The following TGM2 variants were observed in gnomAD, a reference collection of about 807,000 sequenced individuals.
The protein encoded by TGM2 is transglutaminase 2.
Under a neutral mutation model 75.6 loss-of-function variants are expected in TGM2, and 53 were observed. The observed-to-expected ratio is 0.70, with a 90% CI of 0.56 to 0.88. The LOEUF is 0.88. TGM2 is among the 40% of genes least tolerant of loss of function. The pLI, the probability that TGM2 is intolerant of heterozygous loss-of-function variation, is 0.00. For synonymous variants in TGM2, 374 were observed against 381.1 expected (o/e 0.98, Z 0.22); for missense variants, 842 against 928.5 (o/e 0.91, Z 1.21).
intron 8 of TGM2, among the ~76,000 whole-genome samples, chr20:38,140,424 C>T (rs1372412939): frequency 6.6e-6 from 1 of 152,164 alleles, no homozygotes; most frequent in African/African-American, 2.4e-5. Context: ...TAAACCAGGG[C>T]CCACGGATCC....
Position 38,130,290 on chromosome 20 carries a change from C to A in TGM2, c.1993G>T (p.Val665Leu), listed in dbSNP as rs202239139. Residue 665 changes from valine (V) to leucine (L), a missense_variant, in exon 13 of 13, where the codon GTG (valine) becomes TTG (leucine). By Grantham distance (32) the Val-to-Leu change is conservative (BLOSUM62 1). Coordinates refer to ENST00000361475, the MANE Select transcript of TGM2 (RefSeq NM_004613.4). ...AGCTTGTCGCTCTCGAAGTTCACCACCAGCTTGTGGAGGCCCATGTGGAGC... is the reference window on the plus strand; with the variant it reads ...AGCTTGTCGCTCTCGAAGTTCACCAACAGCTTGTGGAGGCCCATGTGGAGC... The part of the protein sequence containing the change: ...LPLHMGLHKL[V>L]VNFESDKLKA... 195 of 1,612,764 alleles carry A rather than the reference C, an allele frequency of 1.2e-4. No homozygotes were observed. The highest frequency in any genetic ancestry group is 1.6e-4 in the Non-Finnish European group (190 of 1,179,720).
At chr20:38,148,132 G>C (rs771116826) in intron 4 of TGM2, 43 bp from the exon 5 acceptor site, 4 of 1,612,762 alleles carry the variant, frequency 2.5e-6, no homozygotes, top group East Asian at 4.5e-5. Flanking sequence ...AGCTGGGAAG[G>C]CACCTCCTCC....
intron 2 of TGM2, among the ~76,000 whole-genome samples, chr20:38,157,711 G>A (rs912061235): frequency 1.3e-5 from 2 of 152,230 alleles, no homozygotes; most frequent in African/African-American, 2.4e-5. Flanking sequence ...TGTATAGTAA[G>A]TGCTCAGGAA....
chr20:38,167,033 C>T (rs545779005), upstream of TGM2, among the ~76,000 whole-genome samples: 28 of 152,262 alleles, frequency 1.8e-4, no homozygotes, highest in South Asian at 5.8e-3. Flanking sequence ...GAAAGAATCC[C>T]TCCCTCACAG....
chr20:38,165,440 G>T (rs867738765), upstream of TGM2: 3 of 582,516 alleles, frequency 5.2e-6, no homozygotes, highest in Non-Finnish European at 8.9e-6. Context: ...GACGGCGGCC[G>T]GACGAGGGCG....
chr20:38,146,947 T>C, intron 5 of TGM2, 53 bp from the exon 6 acceptor site: 2 of 1,580,874 alleles, frequency 1.3e-6, no homozygotes, highest in Non-Finnish European at 1.7e-6. Context: ...GTGTCGGCTG[T>C]GCCGCCTGGG....
chr20:38,139,067 C>T (rs1247434587), intron 9 of TGM2, among the ~76,000 whole-genome samples: 1 of 152,172 alleles, frequency 6.6e-6, no homozygotes, highest in Non-Finnish European at 1.5e-5. Context: ...CCTCTGTATG[C>T]TTTGCTATGC....
chr20:38,156,567 G>A (rs1194874526), intron 2 of TGM2, among the ~76,000 whole-genome samples: 5 of 152,238 alleles, frequency 3.3e-5, no homozygotes, highest in African/African-American at 9.6e-5. Context: ...AAGCCCAGAC[G>A]CTGAGCAGGA....
Position 38,146,857 on chromosome 20 carries a change from C to A in TGM2, c.719G>T (p.Arg240Leu), listed in dbSNP as rs780697822. The A allele has an allele frequency of 1.9e-6, 3 of 1,613,834 alleles. No individual in the cohort carries two copies. Among genetic ancestry groups the A allele is most frequent in the South Asian group, 1.1e-5 (1 of 91,078 alleles). Residue 240 changes from arginine (R) to leucine (L), a missense_variant, in exon 6 of 13, where the codon CGC becomes CTC. By Grantham distance (102) the Arg-to-Leu change is moderately radical. Transcript: ENST00000361475. ...GCCGTCCCCGTAGTTGTTGTCCCAGCGTCCCAGCAGCACACCCTGGTCATC... is the reference window on the plus strand; with the variant it reads ...GCCGTCCCCGTAGTTGTTGTCCCAGAGTCCCAGCAGCACACCCTGGTCATC... Reference protein sequence around the residue: ...CNDDQGVLLGRWDNNYGDGVS... With the variant: ...CNDDQGVLLGLWDNNYGDGVS...
In TGM2 at chr20:38,129,928, A is replaced by T. The variant is rs1202435122; in HGVS notation, c.*291T>A. The T allele has an allele frequency of 6.2e-6, 3 of 483,110 alleles. No homozygotes were observed. The East Asian group carries it at 1.1e-4, about 18-fold the overall frequency. The allele number at this position is 483,110 out of a possible 1,614,324, so 29.9% of individuals were successfully genotyped here. Reference sequence around the variant, plus strand: ...ATGGCTTTCCAAAGGGCATCTGGGCAGGAGAGGGAATGTAGGTCTTTCCTC... The same window carrying T: ...ATGGCTTTCCAAAGGGCATCTGGGCTGGAGAGGGAATGTAGGTCTTTCCTC... On this transcript the variant is annotated 3_prime_UTR_variant, in exon 13 of 13. Transcript: ENST00000361475.
At position 38,161,559 on chromosome 20, in the gene TGM2, A is replaced by G. The variant is rs746925553; in HGVS notation, c.51T>C (p.Asn17=). Residue 17 remains asparagine, a synonymous_variant, in exon 2 of 13, where the codon AAT becomes AAC. Coordinates refer to ENST00000361475, the MANE Select transcript of TGM2 (RefSeq NM_004613.4). ...LERCDLELET[N]GRDHHTADLC... Reference sequence around the variant, plus strand: ...GGTCGGCCGTGTGGTGGTCTCGGCCATTGGTCTCCAGCTCCAGATCACACC... The same window carrying G: ...GGTCGGCCGTGTGGTGGTCTCGGCCGTTGGTCTCCAGCTCCAGATCACACC... 17 of 1,614,038 alleles carry G rather than the reference A, an allele frequency of 1.1e-5. No homozygotes were observed. In the South Asian group the frequency reaches 1.6e-4, roughly 16 times the overall value.
intron 7 of TGM2, 65 bp from the exon 8 acceptor site, chr20:38,141,450 G>A: frequency 1.6e-6 from 2 of 1,219,200 alleles, no homozygotes; most frequent in South Asian, 1.3e-5. Flanking sequence ...ACCTCCCACG[G>A]GCAGACCATG....
At chr20:38,141,469 TC>T in intron 7 of TGM2, 84 bp from the exon 8 acceptor site, 1 of 1,040,720 alleles carries the variant, frequency 9.6e-7, no homozygotes. Context: ...TGCATTCATG[TC>T]CCCAGATGCA....
chr20:38,142,835 G>C (rs1404252652), intron 6 of TGM2, among the ~76,000 whole-genome samples: 1 of 152,234 alleles, frequency 6.6e-6, no homozygotes, highest in Non-Finnish European at 1.5e-5. Flanking sequence ...TCTGGCCCCT[G>C]AACCCCTCCT....
At chr20:38,159,888 C>T (rs2075233806) in intron 2 of TGM2, among the ~76,000 whole-genome samples, 1 of 152,258 alleles carries the variant, frequency 6.6e-6, no homozygotes, top group African/African-American at 2.4e-5. Flanking sequence ...TTCACTATCA[C>T]AAGTCTGACT....
rs45553738 is a variant in TGM2, at chr20:38,165,149, G to C, written c.10+40C>G. ...ACCGGGTCCTGACCCCCAATGCCCC[G>C]GGGCCCCTGAGTGGCGGCTGCGGTG... On this transcript the variant is annotated intron_variant, in intron 1 of 12. Transcript: ENST00000361475. 1.8e-3 allele frequency: 2,974 copies of C among 1,613,898 alleles called. 59 individuals are homozygous for C. In the African/African-American group the frequency reaches 0.035, roughly 19 times the overall value.
chr20:38,143,016 C>CATGTGAGG (rs1298455156), intron 6 of TGM2, among the ~76,000 whole-genome samples: 3 of 152,182 alleles, frequency 2.0e-5, no homozygotes, highest in African/African-American at 7.2e-5. Flanking sequence ...AGTGTACAGG[C>CATGTGAGG]ATGTGAGGGA....
chr20:38,141,671 C>T (rs1486469358), intron 7 of TGM2, among the ~76,000 whole-genome samples: 1 of 152,002 alleles, frequency 6.6e-6, no homozygotes, highest in African/African-American at 2.4e-5. Context: ...TGGCTCCATC[C>T]CTTCTTTTCT....
rs750028685 is a variant in TGM2, at chr20:38,132,408, G to A, written c.1708C>T (p.Pro570Ser). The A allele has an allele frequency of 1.6e-5, 26 of 1,614,036 alleles. No homozygotes were observed. The Admixed American group carries it at 3.8e-4, about 24-fold the overall frequency. Residue 570 changes from proline to serine, a missense_variant, in exon 11 of 13, where the codon CCA becomes TCA. Physicochemically the swap from Pro to Ser is moderately conservative, Grantham distance 74 (BLOSUM62 -1). Coordinates refer to ENST00000361475, the MANE Select transcript of TGM2 (RefSeq NM_004613.4). ...GCCAGCAGGTAGCTGTTGATAACTGGCTCCACGAGGAGGGCCCGCACCTTG... is the reference window on the plus strand; with the variant it reads ...GCCAGCAGGTAGCTGTTGATAACTGACTCCACGAGGAGGGCCCGCACCTTG... ...LIKVRALLVE[P>S]VINSYLLAER...
Sources: allele counts gnomAD v4.1 joint callset (sites outside exome capture counted in the v4.1 genomes callset), GRCh38; gene constraint gnomAD v4.1.1; transcripts MANE v1.5; gene names NCBI Gene and HGNC (gene_info 2026-07-23, HGNC 2026-07-21).